Variants in THNSL2 observed in about 807,000 individuals in gnomAD.
THNSL2 encodes threonine synthase-like 2.
Under a neutral mutation model 40.0 loss-of-function variants are expected in THNSL2, and 34 were observed. The observed-to-expected ratio is 0.85, with a 90% confidence interval of 0.65 to 1.13. THNSL2 has a LOEUF of 1.13. Among genes scored for constraint, THNSL2 ranks in the 50% most tolerant of loss-of-function variants. The pLI, the probability that THNSL2 is intolerant of heterozygous loss-of-function variation, is 0.00. For missense variants in THNSL2, 537 were observed against 608.8 expected, an observed-to-expected ratio of 0.88 and a Z score of 1.24; for synonymous variants, 241 against 247.5, an observed-to-expected ratio of 0.97 and a Z score of 0.25.
At chr2:88,179,703 T>TTAG (rs1677328529) in intron 5 of THNSL2, among the ~76,000 whole-genome samples, 1 of 152,202 alleles carries the variant, frequency 6.6e-6, no homozygotes, top group Non-Finnish European at 1.5e-5. Context: ...TATCAAGCAC[T>TTAG]TAGTATGCAA....
At chr2:88,177,291 G>A (rs1197269945) in intron 4 of THNSL2, 1 of 152,304 alleles carries the variant, frequency 6.6e-6, no homozygotes, top group Admixed American at 6.5e-5. Flanking sequence ...TAAGGAGGAT[G>A]TGTGTTAGTT....
chr2:88,180,201 A>G (rs1438470904), intron 5 of THNSL2, among the ~76,000 whole-genome samples: 1 of 152,224 alleles, frequency 6.6e-6, no homozygotes, highest in East Asian at 1.9e-4. Context: ...CGTGACCAAC[A>G]TTTGCTGAGG....
rs542591836 is a variant in THNSL2, at chr2:88,180,829, A to G, written c.802+1816A>G. On this transcript the variant is annotated intron_variant, in intron 5 of 8. Coordinates refer to ENST00000674334, the MANE Select transcript of THNSL2 (RefSeq NM_018271.5). The stretch of plus-strand genomic sequence containing the variant: ...CCTCCCCTGGTGCCTGTGCAGGGAG[A>G]GTAGTCTGAAACTGCTGGCTCTAGG... 3.9e-5 allele frequency among the ~76,000 whole-genome samples: 6 copies of G among 152,178 alleles called. No individual in the cohort carries two copies. The East Asian group carries it at 1.2e-3, about 30-fold the overall frequency.
chr2:88,185,867 C>T (rs761521880), intron 8 of THNSL2, 31 bp from the exon 9 acceptor site: 1 of 1,566,060 alleles, frequency 6.4e-7, no homozygotes, highest in Admixed American at 1.9e-5. Context: ...TCTCATTGTC[C>T]TCCGGGTGCC....
At position 88,184,602 on chromosome 2, in the gene THNSL2, T is replaced by TA. The variant is rs59914368; in HGVS notation, c.1078-711dup. ...CAACATGGTGAAACCCCGTCTCTAC[T>TA]AAAAAAAAAAAAAAATTAGCTGGGC... On this transcript the variant is annotated intron_variant, in intron 7 of 8. Transcript: ENST00000674334. Among the ~76,000 whole-genome samples, 343 of 142,164 alleles carry TA rather than the reference T, an allele frequency of 2.4e-3. 1 individual carries two copies. The highest frequency in any genetic ancestry group is 6.8e-3 in the African/African-American group (263 of 38,808). 93.3% of individuals were successfully genotyped at this position (142,164 alleles called of 152,430 possible).
chr2:88,170,978 C>T (rs1288387879), intron 1 of THNSL2, among the ~76,000 whole-genome samples: 3 of 152,134 alleles, frequency 2.0e-5, no homozygotes, highest in African/African-American at 4.8e-5. Flanking sequence ...ATTTATTTAT[C>T]CTGGTTATTG....
At chr2:88,181,549 CCCCTCTCTCTCCTCT>C (rs1677685917) in intron 5 of THNSL2, among the ~76,000 whole-genome samples, 1 of 116,440 alleles carries the variant, frequency 8.6e-6, no homozygotes, top group East Asian at 2.6e-4. Context: ...CCCTCTCTCT[CCCCTCTCTCTCCTCT>C]CTCTCTTGCT....
At chr2:88,173,957 G>A (rs2104137657) in intron 2 of THNSL2, among the ~76,000 whole-genome samples, 1 of 152,296 alleles carries the variant, frequency 6.6e-6, no homozygotes, top group East Asian at 1.9e-4. Flanking sequence ...TAAACAGCAA[G>A]AACAAAATCC....
At position 88,174,781 on chromosome 2, in the gene THNSL2, G is replaced by C. The variant is rs748117852; in HGVS notation, c.366G>C (p.Gln122His). 2 of 1,614,234 alleles carry C rather than the reference G, an allele frequency of 1.2e-6. No individual in the cohort carries two copies. Among genetic ancestry groups the C allele is most frequent in the Non-Finnish European group, 1.7e-6 (2 of 1,180,034 alleles). Residue 122 changes from glutamine to histidine, a missense_variant, in exon 3 of 9, where the codon CAG (glutamine) becomes CAC (histidine). Coordinates refer to ENST00000674334, the MANE Select transcript of THNSL2 (RefSeq NM_018271.5). ...ACCTGTCCCTGTCCTGCACAACACA[G>C]TTCCTGCAGTACTTCCTGGAGAAGA... ...FKDLSLSCTT[Q>H]FLQYFLEKRE...
chr2:88,172,877 TC>T (rs1676507386), intron 1 of THNSL2: 1 of 297,618 alleles, frequency 3.4e-6, no homozygotes, highest in African/African-American at 2.2e-5. Flanking sequence ...CTTTCTCTTT[TC>T]CCGGCATGCT....
chr2:88,175,317 G>A lies in THNSL2; in HGVS notation c.487G>A (p.Val163Ile), dbSNP rs759265395. The change falls in exon 4 of 9, where the codon GTT (valine) becomes ATT (isoleucine). Residue 163 changes from valine to isoleucine, a missense_variant. Val to Ile is a conservative substitution (Grantham distance 29). Transcript: ENST00000674334. The stretch of plus-strand genomic sequence containing the variant: ...AGGGGCAAAGAACATGGACATTATC[G>A]TTCTGCTGCCCAAAGGTCACTGCAC... ...VQGAKNMDII[V>I]LLPKGHCTKI... The A allele has an allele frequency of 3.8e-5, 62 of 1,614,066 alleles. No homozygotes were observed. In the Admixed American group the frequency reaches 4.0e-4, roughly 10 times the overall value.
Position 88,178,772 on chromosome 2 carries a change from C to T in THNSL2, c.572-11C>T, listed in dbSNP as rs769875590. On this transcript the variant is annotated splice_polypyrimidine_tract_variant and intron_variant, in intron 4 of 8. Coordinates refer to ENST00000674334, the MANE Select transcript of THNSL2 (RefSeq NM_018271.5). ...CTCCTGACAGCTGCCCTCTTCTCTCCCCCCTGGCAGTGGAGGGAAACAGCG... is the reference window on the plus strand; with the variant it reads ...CTCCTGACAGCTGCCCTCTTCTCTCTCCCCTGGCAGTGGAGGGAAACAGCG... 4 of 1,614,040 alleles carry T rather than the reference C, an allele frequency of 2.5e-6. No homozygotes were observed. The highest frequency in any genetic ancestry group is 3.4e-6 in the Non-Finnish European group (4 of 1,179,962).
intron 1 of THNSL2, 96 bp from the exon 2 acceptor site, chr2:88,173,043 C>A: frequency 1.3e-6 from 1 of 770,122 alleles, no homozygotes; most frequent in South Asian, 2.5e-5. Flanking sequence ...GACTGGTGGT[C>A]TAGAGGCTAA....
At chr2:88,178,350 A>T (rs1379621010) in intron 4 of THNSL2, among the ~76,000 whole-genome samples, 1 of 152,176 alleles carries the variant, frequency 6.6e-6, no homozygotes, top group Non-Finnish European at 1.5e-5. Context: ...GGCCCCTGAT[A>T]GAGGACTGTG....
chr2:88,182,905 G>A, intron 6 of THNSL2, 43 bp from the exon 7 acceptor site: 1 of 1,612,346 alleles, frequency 6.2e-7, no homozygotes. Context: ...GGGGCTCGAT[G>A]GGGCTGAGAT....
chr2:88,185,932 G>T lies in THNSL2; in HGVS notation c.1264G>T (p.Ala422Ser). Reference protein sequence around the residue: ...PRCCLAPASAAKFPEAVLAAG... With the variant: ...PRCCLAPASASKFPEAVLAAG... ...GTGCTGCCTCGCCCCTGCCTCTGCA[G>T]CCAAGTTCCCGGAAGCTGTCCTGGC... The change falls in exon 9 of 9, where the codon GCC becomes TCC. Residue 422 changes from alanine to serine, a missense_variant. By Grantham distance (99) the Ala-to-Ser change is moderately conservative. Transcript: ENST00000674334. 6.2e-7 allele frequency: 1 copy of T among 1,611,320 alleles called. No homozygotes were observed. The highest frequency in any genetic ancestry group is 8.5e-7 in the Non-Finnish European group (1 of 1,179,198).
intron 1 of THNSL2, 75 bp from the exon 2 acceptor site, chr2:88,173,064 G>C: frequency 2.0e-6 from 2 of 1,020,652 alleles, no homozygotes; most frequent in Non-Finnish European, 2.8e-6. Context: ...CTGTGAGACT[G>C]TGTGTGCTTT....
chr2:88,183,661 TC>T (rs1677942116), intron 7 of THNSL2: 1 of 152,048 alleles, frequency 6.6e-6, no homozygotes, highest in South Asian at 2.1e-4. Context: ...CCTCCCTCCT[TC>T]CCTTTCTCTC....
rs984687341 is a variant in THNSL2, at chr2:88,185,008, C to A, written c.1078-320C>A. On this transcript the variant is annotated intron_variant, in intron 7 of 8. Coordinates refer to ENST00000674334, the MANE Select transcript of THNSL2 (RefSeq NM_018271.5). ...AACTGACAGGAAGGAGGTGTGCCAA[C>A]AACCAAGCACCAGACGTGTGGCTGC... Among the ~76,000 whole-genome samples, 4 of 152,176 alleles carry A rather than the reference C, an allele frequency of 2.6e-5. No homozygotes were observed. The East Asian group carries it at 7.7e-4, about 29-fold the overall frequency.
Sources: allele counts gnomAD v4.1 joint callset (sites outside exome capture counted in the v4.1 genomes callset), GRCh38; gene constraint gnomAD v4.1.1; transcripts MANE v1.5; gene names NCBI Gene and HGNC (gene_info 2026-07-23, HGNC 2026-07-21).